The following NCKAP1 variants were observed in gnomAD, a reference collection of about 807,000 sequenced individuals.
The protein encoded by NCKAP1 is NCK associated protein 1.
Under a neutral mutation model 151.2 loss-of-function variants are expected in NCKAP1, and 21 were observed. The ratio of observed to expected loss-of-function variants is 0.14; its 90% CI spans 0.10 to 0.20. The LOEUF (loss-of-function observed/expected upper bound fraction) is 0.20. NCKAP1 is among the 10% of genes least tolerant of loss of function. NCKAP1 has a pLI of 1.00. For missense variants in NCKAP1, 933 were observed against 1,352.1 expected, an observed-to-expected ratio of 0.69 and a Z score of 4.86; for synonymous variants, 484 against 451.8, an observed-to-expected ratio of 1.07 and a Z score of -0.90.
At chr2:182,929,936 A>G (rs1312769360) in intron 27 of NCKAP1, among the ~76,000 whole-genome samples, 7 of 151,968 alleles carry the variant, frequency 4.6e-5, no homozygotes, top group African/African-American at 1.7e-4. Context: ...AAAAATTTCT[A>G]AATGTTTTAT....
chr2:182,942,205 TTG>T (rs1697010352), intron 23 of NCKAP1, 42 bp from the exon 24 acceptor site: 3 of 1,451,010 alleles, frequency 2.1e-6, no homozygotes, highest in African/African-American at 2.8e-5. Flanking sequence ...ACAGACCTCT[TTG>T]TGTTAATGAG....
chr2:182,939,407 T>C (rs1696948363), intron 24 of NCKAP1, among the ~76,000 whole-genome samples: 1 of 152,132 alleles, frequency 6.6e-6, no homozygotes, highest in African/African-American at 2.4e-5. Context: ...TGCATGCCTG[T>C]AGTCCTAGTT....
At chr2:182,933,263 T>C (rs1169937063) in intron 26 of NCKAP1, among the ~76,000 whole-genome samples, 1 of 151,450 alleles carries the variant, frequency 6.6e-6, no homozygotes, top group African/African-American at 2.4e-5. Context: ...GATGTGAGAA[T>C]GCAACAGAAA....
chr2:182,956,255 T>C (rs1191535590), intron 20 of NCKAP1, among the ~76,000 whole-genome samples: 1 of 152,176 alleles, frequency 6.6e-6, no homozygotes, highest in Non-Finnish European at 1.5e-5. Context: ...TTAGCCAGGA[T>C]GGTCTCGATC....
intron 27 of NCKAP1, among the ~76,000 whole-genome samples, chr2:182,930,445 C>G (rs1009137067): frequency 5.9e-5 from 9 of 152,010 alleles, no homozygotes; most frequent in Non-Finnish European, 1.0e-4. Context: ...AAGGCTCAGA[C>G]CTGGATCCTC....
intron 24 of NCKAP1, among the ~76,000 whole-genome samples, chr2:182,940,796 T>G (rs571425063): frequency 1.2e-4 from 19 of 152,334 alleles, no homozygotes; most frequent in Non-Finnish European, 2.4e-4. Flanking sequence ...GTGATATGTG[T>G]CGTATGACAC....
chr2:182,934,162 G>A (rs1251855508), intron 26 of NCKAP1, among the ~76,000 whole-genome samples: 1 of 151,272 alleles, frequency 6.6e-6, no homozygotes, highest in Non-Finnish European at 1.5e-5. Context: ...TTTTGAGACG[G>A]AGTCTCATTC....
intron 12 of NCKAP1, among the ~76,000 whole-genome samples, chr2:182,982,044 A>G (rs1373488390): frequency 3.3e-5 from 5 of 151,998 alleles, no homozygotes; most frequent in Admixed American, 3.3e-4. Context: ...TCTCTGCTCC[A>G]TTTTTCTAAC....
intron 20 of NCKAP1, among the ~76,000 whole-genome samples, chr2:182,956,228 G>C (rs1697324275): frequency 1.3e-5 from 2 of 152,022 alleles, no homozygotes; most frequent in Admixed American, 1.3e-4. Context: ...TTTTAGTAGA[G>C]ACGGGGTTTC....
Position 183,023,826 on chromosome 2 carries a change from C to A in NCKAP1, c.199G>T (p.Val67Leu). 1 of 1,611,916 alleles carries A rather than the reference C, an allele frequency of 6.2e-7. No individual in the cohort carries two copies. The highest frequency in any genetic ancestry group is 8.5e-7 in the Non-Finnish European group (1 of 1,178,362). The change falls in exon 2 of 31, where the codon GTA (valine) becomes TTA (leucine). Residue 67 changes from valine (V) to leucine (L), a missense_variant. By Grantham distance (32) the Val-to-Leu change is conservative. Coordinates refer to ENST00000361354, the MANE Select transcript of NCKAP1 (RefSeq NM_013436.5). ...VKFIVRKFPA[V>L]ETRNNNQQLA... ...CTTACATTGTTGTTGCGGGTTTCTA[C>A]AGCAGGGAATTTTCTGACTATGAAT...
At position 182,912,559 on chromosome 2, in the gene NCKAP1, G is replaced by A. The variant is rs1421971161; in HGVS notation, c.*13143C>T. 1 of 152,134 alleles carries A rather than the reference G, an allele frequency of 6.6e-6. No individual in the cohort carries two copies. The highest frequency in any genetic ancestry group is 1.5e-5 in the Non-Finnish European group (1 of 68,012). 9.4% of individuals were successfully genotyped at this position (152,134 alleles called of 1,614,324 possible). ...AGGGAAAAAGTACGAATTAGGAAAG[G>A]TACATTTAACAAGCTCAATGATCTA... is the stretch of plus-strand genomic sequence containing the variant. On this transcript the variant is annotated 3_prime_UTR_variant, in exon 31 of 31. Transcript: ENST00000361354.
intron 23 of NCKAP1, among the ~76,000 whole-genome samples, chr2:182,949,070 T>G (rs1381004281): frequency 2.0e-5 from 3 of 152,188 alleles, no homozygotes; most frequent in Non-Finnish European, 4.4e-5. Flanking sequence ...TGAAGAGTGA[T>G]CTCGTCAAAG....
At chr2:183,014,615 T>C (rs530733337) in intron 2 of NCKAP1, among the ~76,000 whole-genome samples, 12 of 152,224 alleles carry the variant, frequency 7.9e-5, no homozygotes, top group Non-Finnish European at 1.8e-4. Context: ...TTGGCCAAGA[T>C]GAGTACTACG....
At chr2:182,929,862 C>T (rs1198616619) in intron 27 of NCKAP1, among the ~76,000 whole-genome samples, 1 of 151,550 alleles carries the variant, frequency 6.6e-6, no homozygotes, top group African/African-American at 2.4e-5. Flanking sequence ...GCTATATTTA[C>T]TTTGTAGACA....
At chr2:183,030,711 A>T (rs1237544662) in intron 1 of NCKAP1, among the ~76,000 whole-genome samples, 1 of 152,220 alleles carries the variant, frequency 6.6e-6, no homozygotes, top group Non-Finnish European at 1.5e-5. Flanking sequence ...TGAAATTAAT[A>T]CCTAGAGGAA....
At chr2:182,984,543 A>T (rs1162261196) in intron 10 of NCKAP1, among the ~76,000 whole-genome samples, 1 of 152,092 alleles carries the variant, frequency 6.6e-6, no homozygotes, top group African/African-American at 2.4e-5. Context: ...TCAAATTAAA[A>T]TCCATCCTCT....
In NCKAP1 at chr2:182,976,963, G is replaced by GA. The variant is rs144939357; in HGVS notation, c.1424-13dup. 65,695 of 1,089,538 alleles carry GA rather than the reference G, an allele frequency of 0.06. 4 individuals are homozygous for GA. The highest frequency in any genetic ancestry group is 0.088 in the South Asian group (4,780 of 54,274). The allele number at this position is 1,089,538 out of a possible 1,614,324, so 67.5% of individuals were successfully genotyped here. A position where few individuals can be genotyped will look rare whatever the true frequency, so the allele number is the denominator to read the frequency against. On this transcript the variant is annotated splice_polypyrimidine_tract_variant and intron_variant, in intron 14 of 30. Coordinates refer to ENST00000361354, the MANE Select transcript of NCKAP1 (RefSeq NM_013436.5). ...TTCCCCATCTTCAACTGTAGTAATA[G>GA]AAAAAAAAAAAAGATTACAAAGCAA... is the stretch of plus-strand genomic sequence containing the variant.
intron 23 of NCKAP1, among the ~76,000 whole-genome samples, chr2:182,951,225 C>G (rs1434481157): frequency 6.6e-6 from 1 of 152,162 alleles, no homozygotes; most frequent in Non-Finnish European, 1.5e-5. Flanking sequence ...GCTATTTATT[C>G]ACTCAGCAAA....
intron 24 of NCKAP1, among the ~76,000 whole-genome samples, chr2:182,939,934 G>C (rs1243923832): frequency 6.6e-6 from 1 of 152,088 alleles, no homozygotes; most frequent in Non-Finnish European, 1.5e-5. Flanking sequence ...ATTCCAAAAT[G>C]GCCAATGAGT....
Sources: allele counts gnomAD v4.1 joint callset (sites outside exome capture counted in the v4.1 genomes callset), GRCh38; gene constraint gnomAD v4.1.1; transcripts MANE v1.5; gene names NCBI Gene and HGNC (gene_info 2026-07-23, HGNC 2026-07-21).